The following FAAP20 variants were observed in gnomAD, a reference collection of about 807,000 sequenced individuals.
FAAP20 encodes the protein Fanconi anemia core complex-associated protein 20.
A neutral mutation model predicts 16.2 loss-of-function variants in FAAP20; 12 were observed. The observed-to-expected ratio is 0.74, with a 90% CI of 0.48 to 1.20. FAAP20 has a LOEUF of 1.20. Among genes scored for constraint, FAAP20 ranks in the 50% most tolerant of loss-of-function variants. FAAP20 has a pLI of 0.00. For synonymous variants in FAAP20, 141 were observed against 110.7 expected, an observed-to-expected ratio of 1.27 and a Z score of -1.72; for missense variants, 288 against 245.8, an observed-to-expected ratio of 1.17 and a Z score of -1.15.
upstream of FAAP20, chr1:2,200,464 G>A (rs561132613): frequency 1.2e-3 from 231 of 193,574 alleles, 1 homozygote; most frequent in African/African-American, 5.2e-3. Flanking sequence ...TGGGGTTGGG[G>A]GTGGAGCAGC....
downstream of FAAP20, among the ~76,000 whole-genome samples, chr1:2,188,547 T>G (rs1687810305): frequency 6.6e-6 from 1 of 152,144 alleles, no homozygotes; most frequent in African/African-American, 2.4e-5. Context: ...GGGGCACTAA[T>G]CCCATCGAGA....
chr1:2,191,869 G>A (rs1178019264), intron 3 of FAAP20: 9 of 985,278 alleles, frequency 9.1e-6, no homozygotes, highest in Non-Finnish European at 8.4e-6. Context: ...CACGTGACCC[G>A]CAGGTGTCTG....
chr1:2,198,783 G>A (rs557216850), upstream of FAAP20: 221 of 1,289,206 alleles, frequency 1.7e-4, 3 homozygotes, highest in South Asian at 2.4e-3. Flanking sequence ...AAAGGCCCGG[G>A]CAGCCTTCTG....
At chr1:2,212,691 G>A (rs186629149), upstream of FAAP20, 20 of 287,170 alleles carry the variant, frequency 7.0e-5, no homozygotes, top group East Asian at 3.2e-4. Flanking sequence ...CCAAGAACGC[G>A]AGTCTCTGAA....
At chr1:2,211,399 TTATATATATATATATATATA>T (rs1158545722), downstream of FAAP20, among the ~76,000 whole-genome samples, 1 of 21,002 alleles carries the variant, frequency 4.8e-5, no homozygotes, top group South Asian at 2.5e-3. Context: ...CTGGCTAATT[TTATATATATATATATATATA>T]TATATATATA....
At chr1:2,199,302 T>A (rs1422313018), upstream of FAAP20, 1 of 1,063,368 alleles carries the variant, frequency 9.4e-7, no homozygotes, top group Non-Finnish European at 1.1e-6. The surrounding 1 kb of genome is among the most constrained non-coding windows in gnomAD (Gnocchi z 4.5). Context: ...CGTGTCGGGC[T>A]CAGCTTCCGC....
At chr1:2,186,504 C>CT (rs1056662021), downstream of FAAP20, among the ~76,000 whole-genome samples, 5 of 150,090 alleles carry the variant, frequency 3.3e-5, 1 homozygote, top group African/African-American at 4.9e-5. Context: ...CCGCCCCCCC[C>CT]CGGCCAGCTC....
chr1:2,187,547 AC>A (rs1687736878), downstream of FAAP20, among the ~76,000 whole-genome samples: 1 of 151,932 alleles, frequency 6.6e-6, no homozygotes, highest in African/African-American at 2.4e-5. Flanking sequence ...CAGGTGATCC[AC>A]CTGCCTCAGC....
chr1:2,194,204 G>A, intron 1 of FAAP20, 71 bp from the exon 2 acceptor site: 4 of 1,580,406 alleles, frequency 2.5e-6, no homozygotes, highest in South Asian at 1.1e-5. Context: ...GACCCGGGAG[G>A]GCCTGGGGCA....
At chr1:2,195,862 G>A (rs1306941747), upstream of FAAP20, among the ~76,000 whole-genome samples, 1 of 152,234 alleles carries the variant, frequency 6.6e-6, no homozygotes. Flanking sequence ...TCCTGCTCTA[G>A]ATGCTGGAGG....
chr1:2,195,013 C>A (rs1378508859), upstream of FAAP20, among the ~76,000 whole-genome samples: 1 of 151,940 alleles, frequency 6.6e-6, no homozygotes, highest in Non-Finnish European at 1.5e-5. Context: ...CCGGGCAGCC[C>A]CCGGGCCGGA....
At chr1:2,204,782 G>A (rs1689174219), upstream of FAAP20, among the ~76,000 whole-genome samples, 1 of 152,108 alleles carries the variant, frequency 6.6e-6, no homozygotes, top group Non-Finnish European at 1.5e-5. Flanking sequence ...GCCAGCCGCC[G>A]CCTTTGGTTT....
At chr1:2,199,088 A>G, upstream of FAAP20, 1 of 1,189,912 alleles carries the variant, frequency 8.4e-7, no homozygotes, top group Non-Finnish European at 1.1e-6. This position sits in a 1 kb window ranked among gnomAD's most constrained non-coding sequence, Gnocchi z 4.5. Context: ...CCCTGACCCC[A>G]AGAACCAGAA....
downstream of FAAP20, chr1:2,186,177 C>T (rs1263490784): frequency 4.8e-6 from 2 of 412,480 alleles, no homozygotes; most frequent in Non-Finnish European, 1.0e-5. Flanking sequence ...GCCACGCAGC[C>T]CTCTTGGCCA....
At chr1:2,194,181 G>C in intron 1 of FAAP20, 48 bp from the exon 2 acceptor site, 1 of 1,604,268 alleles carries the variant, frequency 6.2e-7, no homozygotes, top group Non-Finnish European at 8.5e-7. Context: ...TAGCGGAAAC[G>C]CTATGGTGGG....
Position 2,189,568 on chromosome 1 carries a change from A to G in FAAP20, c.*141T>C. On this transcript the variant is annotated 3_prime_UTR_variant, in exon 4 of 4. Coordinates refer to ENST00000378546, the MANE Select transcript of FAAP20 (RefSeq NM_182533.4). ...AGACGTTTCATCACAACACAGAGAC[A>G]GACAGGAGCCCGCCCTGCTTTAATG... The G allele has an allele frequency of 1.4e-6, 1 of 715,358 alleles. No individual in the cohort carries two copies. Among genetic ancestry groups the G allele is most frequent in the South Asian group, 1.5e-5 (1 of 65,062 alleles). 44.3% of individuals were successfully genotyped at this position (715,358 alleles called of 1,614,324 possible). A position where few individuals can be genotyped will look rare whatever the true frequency, so the allele number is the denominator to read the frequency against.
upstream of FAAP20, among the ~76,000 whole-genome samples, chr1:2,196,840 G>A (rs1413927601): frequency 4.6e-5 from 7 of 150,826 alleles, no homozygotes; most frequent in East Asian, 3.9e-4. The surrounding 1 kb of genome is among the most constrained non-coding windows in gnomAD (Gnocchi z 4.5). Flanking sequence ...ACTCTGTCTC[G>A]AAAAACAAAA....
downstream of FAAP20, among the ~76,000 whole-genome samples, chr1:2,211,288 C>A (rs2480708): frequency 7.8e-6 from 1 of 127,546 alleles, no homozygotes; most frequent in African/African-American, 3.0e-5. Context: ...GGAGTGCAGT[C>A]GCGCGATCTC....
At chr1:2,189,479 G>A (rs540291334), downstream of FAAP20, 4 of 575,118 alleles carry the variant, frequency 7.0e-6, no homozygotes, top group Non-Finnish European at 1.3e-5. Context: ...GCCTGGGGCT[G>A]TGTCTGGTTC....
Sources: gnomAD v4.1 joint callset for allele counts (sites outside exome capture counted in the v4.1 genomes callset) on GRCh38, gnomAD v4.1.1 for gene constraint, Gnocchi (gnomAD v3.1) non-coding constraint, MANE v1.5 for transcripts, NCBI Gene and HGNC (gene_info 2026-07-23, HGNC 2026-07-21) for gene names.